NTM: variants seen among roughly 807,000 people sequenced by gnomAD.
The protein encoded by NTM is neurotrimin.
A neutral mutation model predicts 42.1 loss-of-function variants in NTM; 13 were observed. That is an observed-to-expected ratio of 0.31 (90% CI 0.20 to 0.49). NTM has a LOEUF of 0.49. NTM is among the 20% of genes least tolerant of loss of function. NTM has a pLI of 0.99. For missense variants in NTM, 373 were observed against 452.8 expected, an observed-to-expected ratio of 0.82 and a Z score of 1.60; for synonymous variants, 187 against 179.2, an observed-to-expected ratio of 1.04 and a Z score of -0.35.
At chr11:132,230,595 C>T (rs561726439) in intron 4 of NTM, among the ~76,000 whole-genome samples, 15 of 152,356 alleles carry the variant, frequency 9.8e-5, no homozygotes, top group African/African-American at 2.9e-4. Flanking sequence ...CCGCGCCTTG[C>T]GCACTTTGCC....
intron 1 of NTM, among the ~76,000 whole-genome samples, chr11:131,568,126 A>G (rs1425556357): frequency 3.3e-5 from 5 of 152,238 alleles, no homozygotes; most frequent in Non-Finnish European, 7.3e-5. Flanking sequence ...GTGGTAAGGA[A>G]AGTAAGTTCA....
intron 1 of NTM, among the ~76,000 whole-genome samples, chr11:131,817,227 G>A (rs1389363818): frequency 6.6e-6 from 1 of 152,164 alleles, no homozygotes; most frequent in Non-Finnish European, 1.5e-5. Flanking sequence ...AAAGGCTCAA[G>A]CATATCATTG....
chr11:131,857,997 A>C, intron 1 of NTM, among the ~76,000 whole-genome samples: 4 of 145,378 alleles, frequency 2.8e-5, no homozygotes, highest in Middle Eastern at 3.6e-3. Context: ...AATTTCCTTC[A>C]TACCCCTCTC....
chr11:132,089,536 A>T (rs1185010297), intron 2 of NTM, among the ~76,000 whole-genome samples: 3 of 152,206 alleles, frequency 2.0e-5, no homozygotes, highest in Non-Finnish European at 4.4e-5. Context: ...TTCTGCTGTT[A>T]ATCATCAGTC....
At chr11:132,004,634 T>TCTCACA (rs1296009968) in intron 2 of NTM, among the ~76,000 whole-genome samples, 6 of 104,536 alleles carry the variant, frequency 5.7e-5, no homozygotes, top group African/African-American at 9.4e-5. Context: ...TCTCTCTCTC[T>TCTCACA]CACACACACA....
chr11:132,237,172 A>G (rs905098964), intron 4 of NTM, among the ~76,000 whole-genome samples: 1 of 152,216 alleles, frequency 6.6e-6, no homozygotes, highest in Non-Finnish European at 1.5e-5. Flanking sequence ...AACGTCCGGA[A>G]CATGGGTCCA....
chr11:131,856,748 T>G (rs2046138278), intron 1 of NTM, among the ~76,000 whole-genome samples: 1 of 152,330 alleles, frequency 6.6e-6, no homozygotes, highest in African/African-American at 2.4e-5. Context: ...TTTGAAAATT[T>G]TAAAATATGC....
chr11:131,522,995 G>T (rs2049956767), intron 1 of NTM, among the ~76,000 whole-genome samples: 1 of 152,178 alleles, frequency 6.6e-6, no homozygotes, highest in Admixed American at 6.5e-5. Context: ...TTAACTAGAG[G>T]AAAACAGTTC....
At chr11:132,237,404 G>A (rs527787747) in intron 4 of NTM, among the ~76,000 whole-genome samples, 9 of 152,288 alleles carry the variant, frequency 5.9e-5, no homozygotes, top group Admixed American at 5.9e-4. Context: ...GTTTCTGTCA[G>A]ATTCAGGTAG....
intron 2 of NTM, among the ~76,000 whole-genome samples, chr11:131,988,906 C>T (rs1157793068): frequency 6.6e-6 from 1 of 151,994 alleles, no homozygotes; most frequent in African/African-American, 2.4e-5. Flanking sequence ...GTAGTGAGCT[C>T]ATATTATTTT....
At chr11:131,493,699 T>A (rs1355282995) in intron 1 of NTM, among the ~76,000 whole-genome samples, 3 of 152,200 alleles carry the variant, frequency 2.0e-5, no homozygotes, top group Non-Finnish European at 2.9e-5. Flanking sequence ...AGACATTAAG[T>A]GACTTTTCCA....
chr11:131,789,637 AAGAAGAAGAAGAAGAAGAAGAAG>A (rs2090491930), intron 1 of NTM, among the ~76,000 whole-genome samples: 1 of 24,396 alleles, frequency 4.1e-5, no homozygotes, highest in Non-Finnish European at 9.2e-5. Flanking sequence ...AGAAGAAGAA[AAGAAGAAGAAGAAGAAGAAGAAG>A]AAGAAGAAAG....
intron 1 of NTM, among the ~76,000 whole-genome samples, chr11:131,606,576 A>G (rs1435201541): frequency 2.0e-5 from 3 of 152,200 alleles, no homozygotes; most frequent in African/African-American, 4.8e-5. Context: ...AACTTTTACG[A>G]TGGAGGATTT....
chr11:131,864,690 G>A (rs114762991), intron 1 of NTM, among the ~76,000 whole-genome samples: 4 of 152,246 alleles, frequency 2.6e-5, no homozygotes, highest in South Asian at 4.1e-4. Context: ...TGATATAGTC[G>A]GACCTTCTAC....
intron 2 of NTM, among the ~76,000 whole-genome samples, chr11:132,099,405 TTTATC>T (rs1591504593): frequency 1.3e-5 from 2 of 152,212 alleles, no homozygotes; most frequent in African/African-American, 2.4e-5. Context: ...TATTTTCTAT[TTTATC>T]TTATTTATTT....
intron 1 of NTM, among the ~76,000 whole-genome samples, chr11:131,627,328 T>G (rs1257726859): frequency 6.6e-6 from 1 of 150,894 alleles, no homozygotes; most frequent in African/African-American, 2.4e-5. Flanking sequence ...TGAGGTAGAG[T>G]GTCTCTGAGG....
rs558286060 is a variant in NTM at position 131,934,461 on chromosome 11, T to TATTC, written c.167+22833_167+22836dup. Among the ~76,000 whole-genome samples, 122 of 152,310 alleles carry TATTC rather than the reference T, an allele frequency of 8.0e-4. 2 individuals carry two copies. The East Asian group carries it at 0.021, about 26-fold the overall frequency. On this transcript the variant is annotated intron_variant, in intron 2 of 8. Transcript: ENST00000683400. Reference sequence around the variant, plus strand: ...TTTACAGTGCCTGACACAGGGTAAATATTCATTCATTCATTCATTCATTGA... The same window carrying TATTC: ...TTTACAGTGCCTGACACAGGGTAAATATTCATTCATTCATTCATTCATTCATTGA...
At chr11:131,997,832 C>T (rs912910477) in intron 2 of NTM, among the ~76,000 whole-genome samples, 1 of 152,142 alleles carries the variant, frequency 6.6e-6, no homozygotes, top group African/African-American at 2.4e-5. Flanking sequence ...CCTGTAGAAC[C>T]TTCAACTACC....
At chr11:132,131,507 C>A (rs11825541) in intron 2 of NTM, among the ~76,000 whole-genome samples, 10,894 of 152,100 alleles carry the variant, frequency 0.072, 612 homozygotes, top group African/African-American at 0.16. Flanking sequence ...GAAAGTGCAG[C>A]CTTGTTGGGT....
Sources: allele counts gnomAD v4.1 joint callset (sites outside exome capture counted in the v4.1 genomes callset), GRCh38; gene constraint gnomAD v4.1.1; transcripts MANE v1.5; gene names NCBI Gene and HGNC (gene_info 2026-07-23, HGNC 2026-07-21).